Variants in RSPO2 observed in about 807,000 individuals in gnomAD.
The protein encoded by RSPO2 is R-spondin-2.
In RSPO2, 14 loss-of-function variants were observed where a neutral mutation model predicts 30.9. The observed-to-expected ratio is 0.45, with a 90% CI of 0.30 to 0.71. The LOEUF (loss-of-function observed/expected upper bound fraction) is 0.71, where lower values mean the gene tolerates loss of function less well. Among genes scored for constraint, RSPO2 ranks in the 30% least tolerant of loss-of-function variants. RSPO2 has a pLI of 0.08. For synonymous variants in RSPO2, 107 were observed against 96.4 expected, an observed-to-expected ratio of 1.11 and a Z score of -0.64; for missense variants, 264 against 301.9, an observed-to-expected ratio of 0.87 and a Z score of 0.93.
intron 2 of RSPO2, among the ~76,000 whole-genome samples, chr8:108,041,121 G>A (rs1454531597): frequency 6.8e-5 from 10 of 147,524 alleles, no homozygotes; most frequent in African/African-American, 2.5e-4. Context: ...TTAAGCAATT[G>A]AGAAGGAGAT....
At chr8:107,940,153 C>G (rs950297585) in intron 5 of RSPO2, among the ~76,000 whole-genome samples, 1 of 152,120 alleles carries the variant, frequency 6.6e-6, no homozygotes, top group South Asian at 2.1e-4. Context: ...TGGATTTCCT[C>G]TCAAACTAGT....
At chr8:108,016,021 G>A (rs148259246) in intron 2 of RSPO2, among the ~76,000 whole-genome samples, 7 of 152,296 alleles carry the variant, frequency 4.6e-5, no homozygotes, top group Non-Finnish European at 8.8e-5. Context: ...GGGTGCTGGA[G>A]AAGAATGGGG....
intron 5 of RSPO2, among the ~76,000 whole-genome samples, chr8:107,955,719 A>G (rs1813409518): frequency 6.6e-6 from 1 of 152,216 alleles, no homozygotes; most frequent in African/African-American, 2.4e-5. Context: ...TGATGACTAT[A>G]GCATTACACT....
chr8:107,984,055 A>C, intron 3 of RSPO2: 1 of 548,684 alleles, frequency 1.8e-6, no homozygotes. Context: ...ACCACATAGA[A>C]GGGTCATCCC....
At position 108,081,825 on chromosome 8, in the gene RSPO2, G is replaced by C. The variant is rs1586687236; in HGVS notation, c.94+720C>G. On this transcript the variant is annotated intron_variant, in intron 2 of 5. Transcript: ENST00000276659. ...CCACCGGTGTGGCTGCTTTTGCAAA[G>C]CAAATGGAGAGAGCGAAGTGGGGCC... 2.3e-6 allele frequency: 2 copies of C among 851,564 alleles called. 1 individual carries two copies. Among genetic ancestry groups the C allele is most frequent in the Admixed American group, 1.2e-4 (2 of 16,126 alleles). 52.8% of individuals were successfully genotyped at this position (851,564 alleles called of 1,614,324 possible).
intron 5 of RSPO2, among the ~76,000 whole-genome samples, chr8:107,909,063 G>C: frequency 6.6e-6 from 1 of 152,088 alleles, no homozygotes; most frequent in African/African-American, 2.4e-5. Flanking sequence ...GCACTGGTGA[G>C]GGTGGAAAGA....
At position 107,949,293 on chromosome 8, in the gene RSPO2, A is replaced by G. The variant is rs1007933982; in HGVS notation, c.616+8787T>C. Among the ~76,000 whole-genome samples the G allele has an allele frequency of 3.3e-5, 5 of 152,158 alleles. No homozygotes were observed. In the East Asian group the frequency reaches 7.7e-4, roughly 23 times the overall value. ...TTTCTGAGTTACTTCACTTGGAATA[A>G]TGGTCTCTAACTCCACCCAGGTTGC... On this transcript the variant is annotated intron_variant, in intron 5 of 5. Transcript: ENST00000276659.
At chr8:108,048,770 A>AT (rs1356826371) in intron 2 of RSPO2, among the ~76,000 whole-genome samples, 3 of 152,062 alleles carry the variant, frequency 2.0e-5, no homozygotes, top group African/African-American at 7.2e-5. Context: ...TAGGGTGTCA[A>AT]TTTTAGATCT....
At chr8:108,024,973 CATGCCA>C (rs1311159070) in intron 2 of RSPO2, among the ~76,000 whole-genome samples, 1 of 152,090 alleles carries the variant, frequency 6.6e-6, no homozygotes, top group Non-Finnish European at 1.5e-5. Flanking sequence ...GAGCCGAGAT[CATGCCA>C]CTGTACTCCA....
intron 2 of RSPO2, among the ~76,000 whole-genome samples, chr8:108,000,138 G>T (rs1181440078): frequency 6.6e-6 from 1 of 152,142 alleles, no homozygotes; most frequent in Non-Finnish European, 1.5e-5. Context: ...AATAAATGTG[G>T]AGTCTTAGGT....
rs1811426123 is a variant in RSPO2 at position 107,900,676 on chromosome 8, C to T, written c.*399G>A. On this transcript the variant is annotated 3_prime_UTR_variant, in exon 6 of 6. Transcript: ENST00000276659. ...TAAGCAGATATCCACACAAACATAT[C>T]CTTGAAAATGCACAATGTGAGAAAT... 3 of 161,436 alleles carry T rather than the reference C, an allele frequency of 1.9e-5. No individual in the cohort carries two copies. Among genetic ancestry groups the T allele is most frequent in the East Asian group, 1.8e-4 (1 of 5,570 alleles). The allele number at this position is 161,436 out of a possible 1,614,324, so 10.0% of individuals were successfully genotyped here. A position where few individuals can be genotyped will look rare whatever the true frequency, so the allele number is the denominator to read the frequency against.
Position 108,048,919 on chromosome 8 carries a change from G to A in RSPO2, c.94+33626C>T, listed in dbSNP as rs148448744. 4.6e-4 allele frequency among the ~76,000 whole-genome samples: 70 copies of A among 152,140 alleles called. 1 individual carries two copies. Among genetic ancestry groups the A allele is most frequent in the East Asian group, 2.9e-3 (15 of 5,168 alleles). On this transcript the variant is annotated intron_variant, in intron 2 of 5. Coordinates refer to ENST00000276659, the MANE Select transcript of RSPO2 (RefSeq NM_178565.5). Reference sequence around the variant, plus strand: ...ACATCTTTATTTCTGCCTTCATTTCGTTGTTTAGCCAGTAGTCATTCAGGA... The same window carrying A: ...ACATCTTTATTTCTGCCTTCATTTCATTGTTTAGCCAGTAGTCATTCAGGA...
intron 5 of RSPO2, 140 bp from the exon 6 acceptor site, chr8:107,901,330 C>G: frequency 1.1e-6 from 1 of 896,160 alleles, no homozygotes; most frequent in Non-Finnish European, 1.6e-6. Context: ...GAAAATTGTT[C>G]ACATTAATTT....
chr8:107,909,887 A>AT (rs1297307505), intron 5 of RSPO2, among the ~76,000 whole-genome samples: 37 of 152,322 alleles, frequency 2.4e-4, no homozygotes, highest in African/African-American at 8.7e-4. Context: ...TAAGTGCTTT[A>AT]TATCCATTTT....
At chr8:108,082,479 G>T in intron 2 of RSPO2, 66 bp downstream of exon 2, 1 of 1,260,120 alleles carries the variant, frequency 7.9e-7, no homozygotes, top group Non-Finnish European at 1.2e-6. Context: ...GAGCCAGGGC[G>T]TGAGTGAGCG....
At chr8:107,983,608 A>G (rs1234802786) in intron 3 of RSPO2, 2 of 1,596,548 alleles carry the variant, frequency 1.3e-6, no homozygotes, top group African/African-American at 1.3e-5. Flanking sequence ...AAAAGACGAT[A>G]AAACAATTAT....
intron 5 of RSPO2, 41 bp downstream of exon 5, chr8:107,958,039 G>A: frequency 8.8e-7 from 1 of 1,132,974 alleles, no homozygotes; most frequent in East Asian, 2.7e-5. Context: ...GGAGAATTCA[G>A]GAAGCACACA....
chr8:108,058,229 G>A (rs934060468), intron 2 of RSPO2, among the ~76,000 whole-genome samples: 2 of 152,138 alleles, frequency 1.3e-5, no homozygotes, highest in African/African-American at 4.8e-5. Context: ...GCCAAATCAT[G>A]AGTGAACTCC....
intron 2 of RSPO2, among the ~76,000 whole-genome samples, chr8:108,043,719 A>C (rs1229958314): frequency 6.6e-6 from 1 of 152,100 alleles, no homozygotes; most frequent in Non-Finnish European, 1.5e-5. Flanking sequence ...TGAACTTTAC[A>C]ACTGTGATAG....
Sources: gnomAD v4.1 joint callset for allele counts (sites outside exome capture counted in the v4.1 genomes callset) on GRCh38, gnomAD v4.1.1 for gene constraint, MANE v1.5 for transcripts, NCBI Gene and HGNC (gene_info 2026-07-23, HGNC 2026-07-21) for gene names.